Variants in ZFHX3 observed in about 807,000 individuals in gnomAD.
ZFHX3 encodes the protein zinc finger homeobox 3, also known as zinc finger homeobox protein 3.
In ZFHX3, 42 loss-of-function variants were observed where a neutral mutation model predicts 279.1. The observed-to-expected ratio is 0.15, with a 90% CI of 0.12 to 0.19. The LOEUF (loss-of-function observed/expected upper bound fraction) is 0.19. ZFHX3 is among the 10% of genes least tolerant of loss of function. The pLI, the probability that ZFHX3 is intolerant of heterozygous loss-of-function variation, is 1.00. For synonymous variants in ZFHX3, 2,293 were observed against 1,957.8 expected, an observed-to-expected ratio of 1.17 and a Z score of -4.52; for missense variants, 4,981 against 4,754.0, an observed-to-expected ratio of 1.05 and a Z score of -1.40.
chr16:72,790,216 T>TG (rs1463388091), intron 9 of ZFHX3: 1 of 152,428 alleles, frequency 6.6e-6, no homozygotes, highest in Non-Finnish European at 1.5e-5. Flanking sequence ...AAGGACAGCA[T>TG]GGGGGTGGGG....
chr16:73,534,415 C>T (rs180758381), intron 2 of ZFHX3, among the ~76,000 whole-genome samples: 1 of 152,112 alleles, frequency 6.6e-6, no homozygotes, highest in Admixed American at 6.6e-5. Context: ...TTTCTCTTAC[C>T]CTTCTGTCTC....
intron 3 of ZFHX3, among the ~76,000 whole-genome samples, chr16:73,362,135 T>A (rs1442288815): frequency 7.4e-6 from 1 of 134,666 alleles, no homozygotes; most frequent in Non-Finnish European, 1.6e-5. Context: ...CTCCTTGCCT[T>A]CCTTGCCAAC....
At chr16:73,589,118 G>A (rs1334134056) in intron 2 of ZFHX3, among the ~76,000 whole-genome samples, 1 of 151,392 alleles carries the variant, frequency 6.6e-6, no homozygotes, top group Non-Finnish European at 1.5e-5. Context: ...AAATTACCTG[G>A]GTGTGGTGAT....
intron 5 of ZFHX3, among the ~76,000 whole-genome samples, chr16:73,150,158 C>T (rs984391100): frequency 2.5e-4 from 38 of 152,128 alleles, no homozygotes; most frequent in Admixed American, 2.4e-3. Flanking sequence ...ATGGAGGCTC[C>T]AGGCCCCTTT....
chr16:72,992,675 C>T (rs1963136900), intron 1 of ZFHX3, among the ~76,000 whole-genome samples: 1 of 152,152 alleles, frequency 6.6e-6, no homozygotes, highest in African/African-American at 2.4e-5. Flanking sequence ...AAGAGACAGA[C>T]AGCAAAAGGA....
intron 1 of ZFHX3, among the ~76,000 whole-genome samples, chr16:73,786,860 C>A (rs948081594): frequency 1.3e-5 from 2 of 152,194 alleles, no homozygotes; most frequent in Non-Finnish European, 2.9e-5. Context: ...TTCCCGTACC[C>A]ATACCCACAG....
chr16:73,239,675 T>C (rs1304688477), intron 5 of ZFHX3, among the ~76,000 whole-genome samples: 2 of 152,186 alleles, frequency 1.3e-5, no homozygotes, highest in African/African-American at 4.8e-5. Flanking sequence ...TGAGAAAATC[T>C]GCTCATCACA....
intron 2 of ZFHX3, among the ~76,000 whole-genome samples, chr16:73,583,990 T>C (rs1190477847): frequency 6.6e-6 from 1 of 152,194 alleles, no homozygotes; most frequent in Non-Finnish European, 1.5e-5. Flanking sequence ...CATTTACAAA[T>C]TTTTAAAAAT....
intron 1 of ZFHX3, among the ~76,000 whole-genome samples, chr16:73,871,498 G>C (rs552710020): frequency 1.3e-5 from 2 of 150,950 alleles, no homozygotes; most frequent in Non-Finnish European, 1.5e-5. Flanking sequence ...AAAAAAAAGA[G>C]AGAGAGAGAG....
At chr16:73,060,168 T>C (rs574758348), upstream of ZFHX3, 7 of 134,784 alleles carry the variant, frequency 5.2e-5, no homozygotes, top group South Asian at 1.2e-3. Context: ...TATTTAAATA[T>C]AGAGGAAAGG....
intron 3 of ZFHX3, among the ~76,000 whole-genome samples, chr16:72,941,638 G>C (rs1960413504): frequency 6.6e-6 from 1 of 150,882 alleles, no homozygotes; most frequent in Non-Finnish European, 1.5e-5. Flanking sequence ...GGGCAACATA[G>C]TGAGACCCTG....
At chr16:73,362,913 A>G (rs1189994521) in intron 3 of ZFHX3, among the ~76,000 whole-genome samples, 4 of 152,268 alleles carry the variant, frequency 2.6e-5, no homozygotes, top group Admixed American at 6.5e-5. Flanking sequence ...AAGAATTGCT[A>G]AAGTAACCTA....
intron 2 of ZFHX3, among the ~76,000 whole-genome samples, chr16:73,556,982 C>A (rs955305573): frequency 4.4e-4 from 66 of 149,844 alleles, no homozygotes; most frequent in African/African-American, 1.5e-3. Flanking sequence ...GTAGTCCCAG[C>A]TACTCAGGAG....
At chr16:73,490,815 C>A (rs2019046025) in intron 2 of ZFHX3, among the ~76,000 whole-genome samples, 1 of 152,152 alleles carries the variant, frequency 6.6e-6, no homozygotes, top group South Asian at 2.1e-4. Context: ...CCAGCCTGGA[C>A]AACAGAACAA....
chr16:73,437,381 G>C (rs1289102707), intron 3 of ZFHX3, among the ~76,000 whole-genome samples: 6 of 152,192 alleles, frequency 3.9e-5, no homozygotes, highest in Non-Finnish European at 5.9e-5. Context: ...TTTTAGGAAA[G>C]GGATTTTGTA....
At chr16:73,828,141 C>A (rs1960907866) in intron 1 of ZFHX3, among the ~76,000 whole-genome samples, 1 of 78,048 alleles carries the variant, frequency 1.3e-5, no homozygotes. Flanking sequence ...TTGAATCGAT[C>A]CCTTTACCAT....
chr16:73,383,556 AT>A (rs979171498), intron 3 of ZFHX3, among the ~76,000 whole-genome samples: 3 of 152,204 alleles, frequency 2.0e-5, no homozygotes, highest in Non-Finnish European at 4.4e-5. Flanking sequence ...AGAGAATAGC[AT>A]CACCGCAGAG....
intron 2 of ZFHX3, among the ~76,000 whole-genome samples, chr16:73,652,439 A>G (rs746688116): frequency 6.6e-6 from 1 of 152,230 alleles, no homozygotes; most frequent in Admixed American, 6.5e-5. Flanking sequence ...AAAACTGAAG[A>G]TTTGCCACTG....
chr16:72,928,175 AGGG>A (rs1173280177), intron 3 of ZFHX3, among the ~76,000 whole-genome samples: 1,561 of 20,492 alleles, frequency 0.076, 349 homozygotes, highest in South Asian at 0.18. Context: ...AGGGAGGGGG[AGGG>A]GAGAGAGGGA....
Sources: allele counts gnomAD v4.1 joint callset (sites outside exome capture counted in the v4.1 genomes callset), GRCh38; gene constraint gnomAD v4.1.1; transcripts MANE v1.5; gene names NCBI Gene and HGNC (gene_info 2026-07-23, HGNC 2026-07-21).